HMGXB3: variants seen among roughly 807,000 people sequenced by gnomAD.
HMGXB3 encodes HMG domain-containing protein 3.
A neutral mutation model predicts 121.5 loss-of-function variants in HMGXB3; 45 were observed. That is an observed-to-expected ratio of 0.37 (90% CI 0.29 to 0.47). The LOEUF is 0.47. Among genes scored for constraint, HMGXB3 ranks in the 20% least tolerant of loss-of-function variants. The pLI is 0.99. For synonymous variants in HMGXB3, 590 were observed against 624.1 expected (o/e 0.95, Z 0.81); for missense variants, 1,376 against 1,602.2 (o/e 0.86, Z 2.41).
intron 11 of HMGXB3, among the ~76,000 whole-genome samples, chr5:150,035,222 G>GACTGTA (rs1756473008): frequency 6.6e-6 from 1 of 152,142 alleles, no homozygotes; most frequent in Admixed American, 6.5e-5. Context: ...TCATAATTTG[G>GACTGTA]CAGTCTGTAC....
intron 9 of HMGXB3, 189 bp from the exon 10 acceptor site, chr5:150,030,552 G>C (rs1756347671): frequency 7.0e-6 from 4 of 574,536 alleles, no homozygotes; most frequent in Non-Finnish European, 1.3e-5. Flanking sequence ...ATGTGGCAAG[G>C]CCTGGACTTG....
At position 150,052,328 on chromosome 5, in the gene HMGXB3, C is replaced by T; in HGVS notation, c.*136C>T. ...CTGACTGCTGGGACTGACCAAAGAG[C>T]TTCCATTCCCTGAGCATGGTGGGAC... On this transcript the variant is annotated 3_prime_UTR_variant, in exon 20 of 20. Coordinates refer to ENST00000502717, the MANE Select transcript of HMGXB3 (RefSeq NM_014983.3). The T allele has an allele frequency of 2.9e-6, 2 of 687,832 alleles. No homozygotes were observed. The highest frequency in any genetic ancestry group is 1.9e-5 in the South Asian group (1 of 51,602). The allele number at this position is 687,832 out of a possible 1,614,324, so 42.6% of individuals were successfully genotyped here. A position where few individuals can be genotyped will look rare whatever the true frequency, so the allele number is the denominator to read the frequency against.
At chr5:150,050,105 A>G (rs1477340020) in intron 18 of HMGXB3, 147 bp from the exon 19 acceptor site, 7 of 682,886 alleles carry the variant, frequency 1.0e-5, no homozygotes, top group African/African-American at 1.8e-5. Context: ...GGAAGGGAGC[A>G]GCATGCCATG....
At chr5:150,033,031 C>G (rs763555158) in intron 11 of HMGXB3, among the ~76,000 whole-genome samples, 1 of 152,176 alleles carries the variant, frequency 6.6e-6, no homozygotes, top group Non-Finnish European at 1.5e-5. Flanking sequence ...CCTTGGAAAG[C>G]TTTTAGTTAA....
chr5:150,048,146 A>G (rs959294510), intron 17 of HMGXB3, among the ~76,000 whole-genome samples: 2 of 152,248 alleles, frequency 1.3e-5, no homozygotes, highest in African/African-American at 4.8e-5. Context: ...TACCTATGCA[A>G]GCTCTTAGAA....
At chr5:150,022,607 T>A (rs1756125383) in intron 6 of HMGXB3, among the ~76,000 whole-genome samples, 1 of 152,168 alleles carries the variant, frequency 6.6e-6, no homozygotes, top group African/African-American at 2.4e-5. Flanking sequence ...ATAGCCTACT[T>A]AGTAGGCAGT....
chr5:150,005,087 G>C, intron 2 of HMGXB3, 98 bp downstream of exon 2: 1 of 1,423,596 alleles, frequency 7.0e-7, no homozygotes, highest in Non-Finnish European at 9.3e-7. Flanking sequence ...GAAAAAGAGT[G>C]TTATGATTGA....
intron 9 of HMGXB3, among the ~76,000 whole-genome samples, chr5:150,028,501 ATGTATG>A (rs55791245): frequency 0.076 from 7,382 of 96,694 alleles, 436 homozygotes; most frequent in Non-Finnish European, 0.095. Context: ...ATATATATGT[ATGTATG>A]TGTGTGTGTG....
chr5:150,028,560 T>TATA (rs57641340), intron 9 of HMGXB3, among the ~76,000 whole-genome samples: 22,423 of 68,750 alleles, frequency 0.33, 4,671 homozygotes, highest in South Asian at 0.38. Context: ...TATATATATA[T>TATA]TTTTTTTTTT....
intron 5 of HMGXB3, among the ~76,000 whole-genome samples, chr5:150,012,716 A>G (rs1455716013): frequency 6.6e-6 from 1 of 152,244 alleles, no homozygotes; most frequent in Admixed American, 6.5e-5. Context: ...CGTACAGATT[A>G]GGAAAAGGGC....
chr5:150,052,010 C>A lies in HMGXB3; in HGVS notation c.3697C>A (p.Arg1233Ser). 6.4e-7 allele frequency: 1 copy of A among 1,552,048 alleles called. No individual in the cohort carries two copies. Among genetic ancestry groups the A allele is most frequent in the Non-Finnish European group, 8.7e-7 (1 of 1,147,074 alleles). The change falls in exon 20 of 20, where the codon CGC becomes AGC. Residue 1233 changes from arginine to serine, a missense_variant. Arg to Ser is a moderately radical substitution (Grantham distance 110, BLOSUM62 -1). Around this residue, in one of 2 missense-constraint regions of HMGXB3, gnomAD observed 260 missense variants for 233.2 expected, o/e 1.11. Coordinates refer to ENST00000502717, the MANE Select transcript of HMGXB3 (RefSeq NM_014983.3). ...TGCCACTCACTATTACCTCTACAAC[C>A]GCCTCATGGACTTCCTCACCAGCCG... Reference protein sequence around the residue: ...DNATHYYLYNRLMDFLTSREI... With the variant: ...DNATHYYLYNSLMDFLTSREI...
intron 16 of HMGXB3, among the ~76,000 whole-genome samples, chr5:150,046,107 A>G (rs1756749743): frequency 6.6e-6 from 1 of 152,196 alleles, no homozygotes; most frequent in Non-Finnish European, 1.5e-5. Context: ...CTAGCGGGTA[A>G]GAGGATAGGT....
intron 9 of HMGXB3, among the ~76,000 whole-genome samples, chr5:150,027,930 C>T (rs1028198002): frequency 2.0e-5 from 3 of 152,272 alleles, no homozygotes; most frequent in South Asian, 2.1e-4. Flanking sequence ...TGTGTCAATT[C>T]GACCTGTGAA....
intron 1 of HMGXB3, among the ~76,000 whole-genome samples, chr5:150,003,450 A>ATTAT (rs1333338712): frequency 6.6e-6 from 1 of 152,102 alleles, no homozygotes; most frequent in East Asian, 1.9e-4. Context: ...CACAGATAAT[A>ATTAT]GTCTTTAACA....
chr5:150,041,933 G>A lies in HMGXB3; in HGVS notation c.2694G>A (p.Arg898=). The change falls in exon 15 of 20, where the codon AGG becomes AGA. Residue 898 remains arginine, a synonymous_variant. Transcript: ENST00000502717. ...GVAPKVEMAQ[R]SEENVLALKS... The stretch of plus-strand genomic sequence containing the variant: ...CCCCCAAAGTGGAAATGGCTCAGAG[G>A]AGTGAAGAGAATGTGCTAGCACTGA... 2 of 1,551,702 alleles carry A rather than the reference G, an allele frequency of 1.3e-6. No individual in the cohort carries two copies. Among genetic ancestry groups the A allele is most frequent in the African/African-American group, 1.4e-5 (1 of 73,182 alleles).
At chr5:150,036,443 C>T (rs1756502711) in intron 11 of HMGXB3, among the ~76,000 whole-genome samples, 193 bp from the exon 12 acceptor site, 1 of 152,120 alleles carries the variant, frequency 6.6e-6, no homozygotes, top group Non-Finnish European at 1.5e-5. Context: ...TGTAGAGAAA[C>T]TGAGCCCCAC....
chr5:150,026,307 A>G (rs1756229141), intron 7 of HMGXB3, among the ~76,000 whole-genome samples: 1 of 152,220 alleles, frequency 6.6e-6, no homozygotes, highest in Admixed American at 6.5e-5. Context: ...TTGGTGCTGC[A>G]AAGATGAAGC....
At chr5:150,011,475 TG>T (rs1303061421) in intron 4 of HMGXB3, among the ~76,000 whole-genome samples, 2 of 152,220 alleles carry the variant, frequency 1.3e-5, no homozygotes, top group Non-Finnish European at 2.9e-5. Flanking sequence ...CCTTATGGCC[TG>T]GGCAGAAGAG....
chr5:150,015,042 T>C, intron 5 of HMGXB3: 1 of 484,636 alleles, frequency 2.1e-6, no homozygotes. Context: ...GGCCTAAATG[T>C]TGTGGTCATT....
Sources: gnomAD v4.1 joint callset for allele counts (sites outside exome capture counted in the v4.1 genomes callset) on GRCh38, gnomAD v4.1.1 for gene constraint, gnomAD v4.1.1 regional missense constraint, MANE v1.5 for transcripts, NCBI Gene and HGNC (gene_info 2026-07-23, HGNC 2026-07-21) for gene names.